Variants in USP28 observed in about 807,000 individuals in gnomAD.
The protein encoded by USP28 is ubiquitin specific peptidase 28.
Under a neutral mutation model 145.0 loss-of-function variants are expected in USP28, and 113 were observed. The observed-to-expected ratio is 0.78, with a 90% CI of 0.67 to 0.91. The LOEUF is 0.91. Among genes scored for constraint, USP28 ranks in the 40% least tolerant of loss-of-function variants. The probability of loss-of-function intolerance (pLI) is 0.00; values close to 1 mark genes in which losing one functional copy is unlikely to be tolerated. For synonymous variants in USP28, 447 were observed against 450.9 expected, an observed-to-expected ratio of 0.99 and a Z score of 0.11; for missense variants, 1,201 against 1,289.6, an observed-to-expected ratio of 0.93 and a Z score of 1.05.
At chr11:113,817,927 C>A in intron 12 of USP28, 90 bp from the exon 13 acceptor site, 1 of 1,373,774 alleles carries the variant, frequency 7.3e-7, no homozygotes, top group African/African-American at 1.4e-5. Context: ...CACAGCAAGT[C>A]AATGGAAAGG....
At chr11:113,860,227 TCAAA>T (rs1305015854) in intron 1 of USP28, among the ~76,000 whole-genome samples, 1 of 152,172 alleles carries the variant, frequency 6.6e-6, no homozygotes, top group Non-Finnish European at 1.5e-5. Flanking sequence ...TTCCATTCCT[TCAAA>T]CAGTGATGCT....
chr11:113,804,676 G>A, exon 21 of USP28: 1 of 1,613,742 alleles, frequency 6.2e-7, no homozygotes, highest in East Asian at 2.2e-5. Flanking sequence ...ACTTTACCTT[G>A]TACTCTTCCA....
At chr11:113,810,180 G>A (rs1940748690) in intron 16 of USP28, among the ~76,000 whole-genome samples, 1 of 152,026 alleles carries the variant, frequency 6.6e-6, no homozygotes, top group Admixed American at 6.6e-5. Context: ...CACTGCATTT[G>A]GCGGATAAGA....
chr11:113,805,749 A>G (rs953768656), intron 19 of USP28, among the ~76,000 whole-genome samples: 2 of 152,202 alleles, frequency 1.3e-5, no homozygotes, highest in Admixed American at 6.5e-5. Context: ...CAAAGGCACA[A>G]TCTAACTCAG....
intron 3 of USP28, among the ~76,000 whole-genome samples, chr11:113,843,955 A>T (rs1945520139): frequency 6.6e-6 from 1 of 152,188 alleles, no homozygotes; most frequent in Non-Finnish European, 1.5e-5. Context: ...ACCTAGCCCC[A>T]CATACAAAAA....
chr11:113,814,433 T>C (rs545549555), intron 14 of USP28, among the ~76,000 whole-genome samples: 1 of 152,318 alleles, frequency 6.6e-6, no homozygotes, highest in African/African-American at 2.4e-5. Flanking sequence ...TTTTTAAGAA[T>C]ACAATGCTGA....
intron 22 of USP28, among the ~76,000 whole-genome samples, 177 bp downstream of exon 23, chr11:113,803,621 G>A (rs924770961): frequency 2.0e-5 from 3 of 152,154 alleles, no homozygotes; most frequent in Non-Finnish European, 2.9e-5. Context: ...TCATTTGAAG[G>A]ATGAAAAACC....
intron 24 of USP28, among the ~76,000 whole-genome samples, chr11:113,799,670 CAAGG>C (rs1040200210): frequency 2.6e-5 from 4 of 152,108 alleles, no homozygotes; most frequent in African/African-American, 9.7e-5. Flanking sequence ...TCTTAAAATA[CAAGG>C]AAGTAGATAT....
At chr11:113,805,509 G>C (rs1273210796) in intron 19 of USP28, among the ~76,000 whole-genome samples, 1 of 152,004 alleles carries the variant, frequency 6.6e-6, no homozygotes. Context: ...ACCCACTTTG[G>C]CCTCCCAAAG....
At chr11:113,852,907 T>C (rs1287232353) in intron 2 of USP28, among the ~76,000 whole-genome samples, 1 of 152,118 alleles carries the variant, frequency 6.6e-6, no homozygotes, top group Non-Finnish European at 1.5e-5. Context: ...CTTCGGATAC[T>C]ACTACTCATG....
chr11:113,817,813 T>C, exon 13 of USP28: 1 of 1,614,196 alleles, frequency 6.2e-7, no homozygotes, highest in Non-Finnish European at 8.5e-7. Context: ...GGAACCGAGC[T>C]GGGCCTGAGC....
chr11:113,815,200 C>T (rs1941548924), exon 14 of USP28: 2 of 1,614,158 alleles, frequency 1.2e-6, no homozygotes, highest in Admixed American at 3.3e-5. Context: ...AATCTCACTC[C>T]TCCATCTCTG....
chr11:113,840,189 C>A (rs1436243705), intron 5 of USP28, among the ~76,000 whole-genome samples: 4 of 152,154 alleles, frequency 2.6e-5, no homozygotes, highest in African/African-American at 9.7e-5. Flanking sequence ...CAACTGCCCA[C>A]CAATCCTGTA....
chr11:113,799,515 A>G, intron 24 of USP28, 100 bp from the exon 26 acceptor site: 1 of 1,344,650 alleles, frequency 7.4e-7, no homozygotes, highest in Middle Eastern at 2.0e-4. Context: ...TCAAAGGTCA[A>G]AGCATTATGC....
chr11:113,840,934 A>T (rs1945130170), intron 4 of USP28, among the ~76,000 whole-genome samples, 177 bp from the exon 5 acceptor site: 1 of 152,234 alleles, frequency 6.6e-6, no homozygotes. Flanking sequence ...AGCAAGATTT[A>T]TACATAGAAA....
intron 1 of USP28, among the ~76,000 whole-genome samples, chr11:113,866,075 C>T (rs566907049): frequency 6.6e-6 from 1 of 152,264 alleles, no homozygotes; most frequent in South Asian, 2.1e-4. Context: ...ATGTGGATCA[C>T]CTAAGGTCAG....
At chr11:113,873,848 A>G (rs535957619) in intron 1 of USP28, among the ~76,000 whole-genome samples, 144 of 152,306 alleles carry the variant, frequency 9.5e-4, no homozygotes, top group Non-Finnish European at 1.7e-3. Context: ...ATGAGTTTTA[A>G]AAAGCGCATC....
chr11:113,863,650 A>G (rs900877903), intron 1 of USP28, among the ~76,000 whole-genome samples: 3 of 149,516 alleles, frequency 2.0e-5, no homozygotes, highest in African/African-American at 7.4e-5. Context: ...TCTCAAAAAA[A>G]AAAAAAAAAA....
chr11:113,821,665 G>A (rs1013624008), intron 12 of USP28: 1 of 194,904 alleles, frequency 5.1e-6, no homozygotes, highest in Admixed American at 5.0e-5. Context: ...GGGAAGGGAG[G>A]GGTCTTCCAA....
Sources: gnomAD v4.1 joint callset for allele counts (sites outside exome capture counted in the v4.1 genomes callset) on GRCh38, gnomAD v4.1.1 for gene constraint, MANE v1.5 for transcripts, NCBI Gene and HGNC (gene_info 2026-07-23, HGNC 2026-07-21) for gene names.